Variants in SCMH1 observed in about 807,000 individuals in gnomAD.
SCMH1 encodes the protein Scm polycomb group protein homolog 1.
SCMH1 carries 37 observed loss-of-function variants against 70.8 expected under a neutral mutation model. The observed-to-expected ratio is 0.52, with a 90% CI of 0.40 to 0.69. The LOEUF is 0.69. SCMH1 is among the 30% of genes least tolerant of loss of function. The pLI is 0.00. For missense variants in SCMH1, 607 were observed against 827.3 expected, an observed-to-expected ratio of 0.73 and a Z score of 3.27; for synonymous variants, 292 against 307.4, an observed-to-expected ratio of 0.95 and a Z score of 0.52.
intron 8 of SCMH1, among the ~76,000 whole-genome samples, chr1:41,105,267 A>G (rs1288944930): frequency 6.6e-6 from 1 of 152,052 alleles, no homozygotes; most frequent in Non-Finnish European, 1.5e-5. Flanking sequence ...CCTGGCCTTA[A>G]ATAGCTTTTA....
At chr1:41,211,676 A>G (rs935099107) in intron 1 of SCMH1, among the ~76,000 whole-genome samples, 5 of 152,264 alleles carry the variant, frequency 3.3e-5, no homozygotes, top group Admixed American at 6.5e-5. Context: ...GTATATACCC[A>G]AAGGATTATA....
chr1:41,119,463 C>A (rs201814491), intron 6 of SCMH1, among the ~76,000 whole-genome samples: 3 of 149,570 alleles, frequency 2.0e-5, no homozygotes, highest in Non-Finnish European at 3.0e-5. Context: ...AAAAAAAAAA[C>A]CCCACCGTAA....
At chr1:41,232,277 T>C (rs989576181) in intron 1 of SCMH1, among the ~76,000 whole-genome samples, 2 of 152,202 alleles carry the variant, frequency 1.3e-5, no homozygotes, top group African/African-American at 4.8e-5. Context: ...AATGTTATAA[T>C]TTATTAAAAT....
At chr1:41,135,696 T>G (rs1643188651) in intron 6 of SCMH1, among the ~76,000 whole-genome samples, 1 of 152,218 alleles carries the variant, frequency 6.6e-6, no homozygotes, top group Non-Finnish European at 1.5e-5. Context: ...AATTTAAAAT[T>G]CAATTCCTTA....
intron 10 of SCMH1, 54 bp from the exon 11 acceptor site, chr1:41,048,944 C>G (rs1647159999): frequency 1.4e-6 from 2 of 1,477,644 alleles, no homozygotes; most frequent in African/African-American, 2.8e-5. Context: ...ATAGAGAAGT[C>G]AGAGAACAGC....
chr1:41,039,470 T>C (rs1645790935), intron 12 of SCMH1, among the ~76,000 whole-genome samples: 1 of 150,368 alleles, frequency 6.7e-6, no homozygotes. Context: ...GAAAAGAAGA[T>C]TGCAAATACT....
In SCMH1 at chr1:41,177,083, A is replaced by G. The variant is rs186957691; in HGVS notation, c.13+9038T>C. Among the ~76,000 whole-genome samples, 784 of 152,288 alleles carry G rather than the reference A, an allele frequency of 5.1e-3. 8 individuals carry two copies. The highest frequency in any genetic ancestry group is 0.021 in the South Asian group (100 of 4,824). ...CAGGCAGCAACATTTGCTGTTCACC[A>G]ATATCCGCTGTTCTGCAGCCTCCGC... On this transcript the variant is annotated intron_variant, in intron 2 of 14. Transcript: ENST00000337495.
At chr1:41,095,730 T>C (rs1664885076) in intron 8 of SCMH1, among the ~76,000 whole-genome samples, 1 of 152,228 alleles carries the variant, frequency 6.6e-6, no homozygotes, top group South Asian at 2.1e-4. Flanking sequence ...CTTAAAAATA[T>C]TCTTTCTTTG....
intron 1 of SCMH1, among the ~76,000 whole-genome samples, chr1:41,233,799 A>C (rs1661772323): frequency 6.6e-6 from 1 of 152,044 alleles, no homozygotes; most frequent in Admixed American, 6.5e-5. Flanking sequence ...TCCAAACATC[A>C]CTTTCTCCTG....
intron 5 of SCMH1, among the ~76,000 whole-genome samples, chr1:41,150,264 A>G (rs1644947660): frequency 6.6e-6 from 1 of 152,138 alleles, no homozygotes; most frequent in East Asian, 1.9e-4. Context: ...CCACTTTGGG[A>G]GGCCAAGGTG....
At chr1:41,190,959 C>A (rs995470806) in intron 1 of SCMH1, among the ~76,000 whole-genome samples, 1 of 152,220 alleles carries the variant, frequency 6.6e-6, no homozygotes, top group African/African-American at 2.4e-5. Flanking sequence ...ACTGCAGCCT[C>A]AAACTCCTGG....
intron 1 of SCMH1, among the ~76,000 whole-genome samples, chr1:41,235,973 C>A (rs772250030): frequency 6.6e-6 from 1 of 152,150 alleles, no homozygotes; most frequent in Non-Finnish European, 1.5e-5. Flanking sequence ...AAATATACCA[C>A]AATATTTTCA....
chr1:41,039,083 C>G (rs975293518), intron 12 of SCMH1, among the ~76,000 whole-genome samples: 1 of 152,160 alleles, frequency 6.6e-6, no homozygotes, highest in African/African-American at 2.4e-5. Flanking sequence ...TGTGATAGTA[C>G]AAGAAAAATA....
intron 1 of SCMH1, among the ~76,000 whole-genome samples, chr1:41,189,665 A>C (rs1651182857): frequency 6.6e-6 from 1 of 152,224 alleles, no homozygotes; most frequent in Non-Finnish European, 1.5e-5. Context: ...AAGATGGAGC[A>C]TATCTCTTTG....
intron 1 of SCMH1, among the ~76,000 whole-genome samples, chr1:41,208,498 T>C (rs1260560432): frequency 6.7e-6 from 1 of 148,638 alleles, no homozygotes; most frequent in Non-Finnish European, 1.5e-5. Flanking sequence ...CCTCAGCAAA[T>C]GTAAAAGAAC....
At chr1:41,068,220 AACTC>A (rs1261084323) in intron 10 of SCMH1, among the ~76,000 whole-genome samples, 1 of 152,186 alleles carries the variant, frequency 6.6e-6, no homozygotes, top group African/African-American at 2.4e-5. Flanking sequence ...AAAAATGAAA[AACTC>A]AATACAAAGT....
intron 8 of SCMH1, among the ~76,000 whole-genome samples, chr1:41,109,674 G>A (rs931846466): frequency 5.3e-5 from 8 of 152,176 alleles, no homozygotes; most frequent in Non-Finnish European, 1.2e-4. Flanking sequence ...TCTACCTTCT[G>A]AGCCTGGTCC....
intron 6 of SCMH1, 63 bp from the exon 7 acceptor site, chr1:41,117,073 T>A (rs1384423704): frequency 1.6e-5 from 23 of 1,476,446 alleles, no homozygotes; most frequent in Non-Finnish European, 2.1e-5. Flanking sequence ...GTGATGTGGG[T>A]GGCAAGCCAC....
chr1:41,075,129 G>C (rs1249473235), intron 9 of SCMH1, 90 bp downstream of exon 9: 4 of 1,251,678 alleles, frequency 3.2e-6, no homozygotes, highest in Non-Finnish European at 4.7e-6. Context: ...CCCATTAAGT[G>C]CTGGGATTAC....
Sources: allele counts gnomAD v4.1 joint callset (sites outside exome capture counted in the v4.1 genomes callset), GRCh38; gene constraint gnomAD v4.1.1; transcripts MANE v1.5; gene names NCBI Gene and HGNC (gene_info 2026-07-23, HGNC 2026-07-21).